CATSPERE: variants seen among roughly 807,000 people sequenced by gnomAD.
The protein encoded by CATSPERE is catsper channel auxiliary subunit epsilon, also known as cation channel sperm-associated auxiliary subunit epsilon.
In CATSPERE, 93 loss-of-function variants were observed where a neutral mutation model predicts 114.1. That is an observed-to-expected ratio of 0.81 (90% CI 0.69 to 0.97). The LOEUF is 0.97. Ranked by LOEUF, CATSPERE falls within the 50% of genes least tolerant of loss-of-function variation. The pLI is 0.00. For missense variants in CATSPERE, 1,058 were observed against 1,131.6 expected, an observed-to-expected ratio of 0.93 and a Z score of 0.93; for synonymous variants, 341 against 384.1, an observed-to-expected ratio of 0.89 and a Z score of 1.31.
At chr1:244,456,120 A>T (rs1666141952) in intron 1 of CATSPERE, among the ~76,000 whole-genome samples, 3 of 111,924 alleles carry the variant, frequency 2.7e-5, no homozygotes, top group South Asian at 6.3e-4. Flanking sequence ...CCCATGGGGG[A>T]TGGTCTAATT....
At chr1:244,533,397 GTTAT>G (rs1679916005) in intron 8 of CATSPERE, among the ~76,000 whole-genome samples, 1 of 151,828 alleles carries the variant, frequency 6.6e-6, no homozygotes, top group Non-Finnish European at 1.5e-5. Flanking sequence ...CTGTGATTTT[GTTAT>G]TTGTTTTATG....
intron 7 of CATSPERE, among the ~76,000 whole-genome samples, chr1:244,502,733 T>A (rs1674254728): frequency 6.6e-6 from 1 of 152,138 alleles, no homozygotes; most frequent in Non-Finnish European, 1.5e-5. Context: ...CCAGGAAAAG[T>A]GTGCCAGGAA....
Position 244,602,407 on chromosome 1 carries a change from C to T in CATSPERE, c.2304-3288C>T, listed in dbSNP as rs576344272. The stretch of plus-strand genomic sequence containing the variant: ...GAATCAATCAAGCTTTGAGAATCAG[C>T]GGCAGGGGTGGCCACCGGGAAATTA... On this transcript the variant is annotated intron_variant, in intron 17 of 21. Coordinates refer to ENST00000366534, the MANE Select transcript of CATSPERE (RefSeq NM_001130957.2). Among the ~76,000 whole-genome samples, 47 of 152,286 alleles carry T rather than the reference C, an allele frequency of 3.1e-4. No homozygotes were observed. In the South Asian group the frequency reaches 5.0e-3, roughly 16 times the overall value.
chr1:244,620,981 A>T (rs760531510), intron 20 of CATSPERE, among the ~76,000 whole-genome samples: 8 of 140,490 alleles, frequency 5.7e-5, no homozygotes, highest in Non-Finnish European at 1.1e-4. Flanking sequence ...ACATGCCTGA[A>T]TCAATCTTGG....
intron 5 of CATSPERE, among the ~76,000 whole-genome samples, chr1:244,487,861 C>T (rs3003303): frequency 1.3e-5 from 2 of 151,884 alleles, no homozygotes; most frequent in Admixed American, 6.6e-5. Context: ...CATCACACTT[C>T]GCTTACAAAA....
At chr1:244,465,252 T>C (rs901135745) in intron 2 of CATSPERE, among the ~76,000 whole-genome samples, 20 of 152,218 alleles carry the variant, frequency 1.3e-4, no homozygotes, top group African/African-American at 4.6e-4. Flanking sequence ...GCCAGGCTGG[T>C]CTTGAACTCC....
At chr1:244,478,017 A>G in intron 4 of CATSPERE, 42 bp downstream of exon 4, 1 of 1,325,898 alleles carries the variant, frequency 7.5e-7, no homozygotes, top group South Asian at 1.2e-5. Context: ...TTGAATAATC[A>G]TCCTGTTATC....
At chr1:244,456,327 G>A (rs1666160071), upstream of CATSPERE, among the ~76,000 whole-genome samples, 1 of 151,908 alleles carries the variant, frequency 6.6e-6, no homozygotes, top group African/African-American at 2.4e-5. Flanking sequence ...TCCTAGCCCT[G>A]TTCCTCCAGG....
chr1:244,615,866 C>A (rs1297521354), intron 19 of CATSPERE, among the ~76,000 whole-genome samples: 2 of 149,920 alleles, frequency 1.3e-5, no homozygotes, highest in Non-Finnish European at 2.9e-5. Context: ...GTAATCCCAG[C>A]ACTTTGGGAG....
chr1:244,611,121 C>A (rs1302565754), intron 19 of CATSPERE, among the ~76,000 whole-genome samples: 1 of 152,148 alleles, frequency 6.6e-6, no homozygotes, highest in Admixed American at 6.5e-5. Context: ...ACATAGCCTA[C>A]TTTCAAAATC....
intron 20 of CATSPERE, among the ~76,000 whole-genome samples, chr1:244,624,891 A>G (rs1672906204): frequency 6.6e-6 from 1 of 152,098 alleles, no homozygotes; most frequent in Non-Finnish European, 1.5e-5. Context: ...CATTGTGGCA[A>G]TTCAGTTCCA....
At chr1:244,632,393 C>CAAAAAAAA (rs35948602) in intron 20 of CATSPERE, among the ~76,000 whole-genome samples, 1 of 109,376 alleles carries the variant, frequency 9.1e-6, no homozygotes, top group African/African-American at 3.7e-5. Context: ...GACTCCAACT[C>CAAAAAAAA]AAAAAAAAAA....
At chr1:244,487,225 C>T (rs979301740) in intron 5 of CATSPERE, among the ~76,000 whole-genome samples, 1 of 151,694 alleles carries the variant, frequency 6.6e-6, no homozygotes, top group South Asian at 2.1e-4. Context: ...TGCAGACCCT[C>T]GTAATCACCT....
At chr1:244,559,950 T>C (rs184218200) in intron 9 of CATSPERE, among the ~76,000 whole-genome samples, 119 of 152,340 alleles carry the variant, frequency 7.8e-4, no homozygotes, top group African/African-American at 2.9e-3. Flanking sequence ...TTCAAAAATA[T>C]ATTGAAACAA....
chr1:244,577,233 G>T (rs143538555), intron 11 of CATSPERE, among the ~76,000 whole-genome samples: 1 of 151,278 alleles, frequency 6.6e-6, no homozygotes, highest in East Asian at 1.9e-4. Context: ...TAGTTCTCAG[G>T]GAAACAGTAA....
At position 244,521,443 on chromosome 1, in the gene CATSPERE, A is replaced by G. The variant is rs190327096; in HGVS notation, c.536+2745A>G. ...TTTATACCAGAAGTGCAAGTTCAGTATCATATTTTTAAATGTTTTAATGTA... is the reference window on the plus strand; with the variant it reads ...TTTATACCAGAAGTGCAAGTTCAGTGTCATATTTTTAAATGTTTTAATGTA... On this transcript the variant is annotated intron_variant, in intron 8 of 21. Coordinates refer to ENST00000366534, the MANE Select transcript of CATSPERE (RefSeq NM_001130957.2). Among the ~76,000 whole-genome samples the G allele has an allele frequency of 9.2e-5, 14 of 152,320 alleles. No homozygotes were observed. In the East Asian group the frequency reaches 2.7e-3, roughly 29 times the overall value.
upstream of CATSPERE, among the ~76,000 whole-genome samples, chr1:244,459,352 C>T (rs2148050776): frequency 6.6e-6 from 1 of 152,312 alleles, no homozygotes; most frequent in South Asian, 2.1e-4. Flanking sequence ...GCTGGGATTA[C>T]AGGCATGAGC....
chr1:244,610,814 G>A (rs919449626), intron 19 of CATSPERE, among the ~76,000 whole-genome samples: 2 of 151,236 alleles, frequency 1.3e-5, no homozygotes, highest in Non-Finnish European at 2.9e-5. Flanking sequence ...AAGCTGGAGG[G>A]CAGTGGCACA....
upstream of CATSPERE, chr1:244,451,636 T>C: frequency 6.2e-7 from 1 of 1,608,886 alleles, no homozygotes; most frequent in Non-Finnish European, 8.5e-7. The surrounding 1 kb of genome is among the most constrained non-coding windows in gnomAD (Gnocchi z 6.6). Flanking sequence ...TCGCCTCACC[T>C]GGCAGCGGCA....
Sources: gnomAD v4.1 joint callset for allele counts (sites outside exome capture counted in the v4.1 genomes callset) on GRCh38, gnomAD v4.1.1 for gene constraint, Gnocchi (gnomAD v3.1) non-coding constraint, MANE v1.5 for transcripts, NCBI Gene and HGNC (gene_info 2026-07-23, HGNC 2026-07-21) for gene names.